Variants in SNX13 observed in about 807,000 individuals in gnomAD.
SNX13 encodes sorting nexin 13.
Under a neutral mutation model 133.6 loss-of-function variants are expected in SNX13, and 45 were observed. The ratio of observed to expected loss-of-function variants is 0.34; its 90% CI spans 0.27 to 0.43. The LOEUF is 0.43. Ranked by LOEUF, SNX13 falls within the 20% of genes least tolerant of loss-of-function variation. The pLI is 1.00. For synonymous variants in SNX13, 414 were observed against 373.9 expected, an observed-to-expected ratio of 1.11 and a Z score of -1.24; for missense variants, 1,032 against 1,145.1, an observed-to-expected ratio of 0.90 and a Z score of 1.43.
At chr7:17,862,532 A>G (rs938350450) in intron 9 of SNX13, among the ~76,000 whole-genome samples, 2 of 152,180 alleles carry the variant, frequency 1.3e-5, no homozygotes, top group African/African-American at 4.8e-5. Flanking sequence ...ATATTTTTCT[A>G]AAGAATGGGA....
chr7:17,940,028 G>C lies in SNX13; in HGVS notation c.12+256C>G, dbSNP rs73312159. ...GAGTTAGAAGGGAGTGACAGCAGGA[G>C]GGAGACCAGTGCCAGGGGCGAGTGG... On this transcript the variant is annotated intron_variant, in intron 1 of 25. Coordinates refer to ENST00000428135, the MANE Select transcript of SNX13 (RefSeq NM_015132.5). Among the ~76,000 whole-genome samples the C allele has an allele frequency of 6.7e-3, 1,019 of 152,322 alleles. 6 individuals carry two copies. The highest frequency in any genetic ancestry group is 0.023 in the African/African-American group (967 of 41,594).
At chr7:17,862,722 T>C (rs1792869644) in intron 9 of SNX13, among the ~76,000 whole-genome samples, 1 of 152,194 alleles carries the variant, frequency 6.6e-6, no homozygotes, top group Admixed American at 6.5e-5. Context: ...TTGCTTTCCA[T>C]TTTTTGCTAC....
intron 1 of SNX13, among the ~76,000 whole-genome samples, chr7:17,926,089 A>C (rs965435833): frequency 6.6e-6 from 1 of 152,022 alleles, no homozygotes; most frequent in South Asian, 2.1e-4. Flanking sequence ...TTGAGCTATA[A>C]TAACAACAAA....
chr7:17,922,773 GA>G, intron 1 of SNX13, among the ~76,000 whole-genome samples: 1 of 151,996 alleles, frequency 6.6e-6, no homozygotes, highest in East Asian at 1.9e-4. Context: ...AAAAGATAAA[GA>G]GAAAATTATC....
intron 20 of SNX13, among the ~76,000 whole-genome samples, chr7:17,805,254 T>TGCGCGCACGCGCGC (rs1785125427): frequency 7.6e-6 from 1 of 132,440 alleles, no homozygotes; most frequent in Admixed American, 7.6e-5. Context: ...TGTGTGTGCG[T>TGCGCGCACGCGCGC]GCGCGCGCGC....
At chr7:17,865,605 C>T (rs1255501978) in intron 9 of SNX13, among the ~76,000 whole-genome samples, 1 of 152,046 alleles carries the variant, frequency 6.6e-6, no homozygotes, top group Non-Finnish European at 1.5e-5. Context: ...TACCAATAAC[C>T]TTTTTCACAG....
At chr7:17,874,417 T>C (rs1237935559) in intron 7 of SNX13, among the ~76,000 whole-genome samples, 2 of 152,184 alleles carry the variant, frequency 1.3e-5, no homozygotes, top group African/African-American at 4.8e-5. Flanking sequence ...TTTAAGTTTT[T>C]GGGGGTCAAA....
intron 5 of SNX13, among the ~76,000 whole-genome samples, chr7:17,879,071 G>A (rs1346237309): frequency 6.6e-6 from 1 of 152,136 alleles, no homozygotes; most frequent in Non-Finnish European, 1.5e-5. Flanking sequence ...CCTGTCTCCA[G>A]TTATGCATTC....
At chr7:17,939,458 C>G (rs1474389910) in intron 1 of SNX13, among the ~76,000 whole-genome samples, 1 of 152,214 alleles carries the variant, frequency 6.6e-6, no homozygotes, top group Non-Finnish European at 1.5e-5. Flanking sequence ...GGGTCAAGTA[C>G]CTAGTTGCAC....
intron 1 of SNX13, chr7:17,899,401 C>T (rs1001255196): frequency 5.9e-5 from 9 of 152,116 alleles, no homozygotes; most frequent in Non-Finnish European, 1.0e-4. Context: ...AAATTTTCTA[C>T]GCCTAACTCT....
intron 5 of SNX13, among the ~76,000 whole-genome samples, chr7:17,877,445 A>AAATCATCC (rs1266397859): frequency 6.6e-6 from 1 of 152,126 alleles, no homozygotes; most frequent in Admixed American, 6.5e-5. Flanking sequence ...TATTTATTCA[A>AAATCATCC]AATCATCCAT....
chr7:17,938,720 G>C (rs10231226), intron 1 of SNX13, among the ~76,000 whole-genome samples: 3,174 of 152,250 alleles, frequency 0.021, 122 homozygotes, highest in African/African-American at 0.071. Flanking sequence ...AGACACACAA[G>C]TAGTTCATTT....
chr7:17,902,276 G>C (rs1355021624), intron 1 of SNX13, among the ~76,000 whole-genome samples: 1 of 108,094 alleles, frequency 9.3e-6, no homozygotes, highest in Admixed American at 9.8e-5. Flanking sequence ...AGAAAAAAAA[G>C]ATTCTTTCCT....
At chr7:17,885,352 C>A (rs1329880908) in intron 5 of SNX13, among the ~76,000 whole-genome samples, 1 of 149,982 alleles carries the variant, frequency 6.7e-6, no homozygotes, top group African/African-American at 2.5e-5. Context: ...TGGGGAAACG[C>A]AGAAGTGACT....
At chr7:17,909,439 T>C (rs576903004) in intron 1 of SNX13, among the ~76,000 whole-genome samples, 14 of 152,250 alleles carry the variant, frequency 9.2e-5, no homozygotes, top group African/African-American at 2.6e-4. Flanking sequence ...AGCAAAAATA[T>C]GGATTCAACC....
intron 15 of SNX13, chr7:17,832,459 T>C: frequency 2.0e-6 from 2 of 984,402 alleles, no homozygotes; most frequent in Non-Finnish European, 2.4e-6. Context: ...TCTTCTCTCT[T>C]TCTGAGTCAC....
intron 1 of SNX13, among the ~76,000 whole-genome samples, chr7:17,917,624 A>T (rs1583774769): frequency 6.6e-6 from 1 of 152,264 alleles, no homozygotes; most frequent in East Asian, 1.9e-4. Flanking sequence ...AGAACTATAA[A>T]ACACAGCAGA....
At chr7:17,802,444 A>C (rs1784741585) in intron 21 of SNX13, among the ~76,000 whole-genome samples, 1 of 152,178 alleles carries the variant, frequency 6.6e-6, no homozygotes, top group Non-Finnish European at 1.5e-5. Context: ...GATCAGTATT[A>C]GCTGAAAATC....
At chr7:17,854,989 TAA>T (rs545502170) in intron 9 of SNX13, among the ~76,000 whole-genome samples, 1 of 149,786 alleles carries the variant, frequency 6.7e-6, no homozygotes, top group East Asian at 1.9e-4. Context: ...ATGCAAAAAA[TAA>T]AAAAAAAGGT....
Sources: allele counts gnomAD v4.1 joint callset (sites outside exome capture counted in the v4.1 genomes callset), GRCh38; gene constraint gnomAD v4.1.1; transcripts MANE v1.5; gene names NCBI Gene and HGNC (gene_info 2026-07-23, HGNC 2026-07-21).